PTPRZ1: variants seen among roughly 807,000 people sequenced by gnomAD.
PTPRZ1 encodes protein tyrosine phosphatase receptor type Z1, also known as receptor-type tyrosine-protein phosphatase zeta.
Under a neutral mutation model 214.1 loss-of-function variants are expected in PTPRZ1, and 82 were observed. That is an observed-to-expected ratio of 0.38 (90% CI 0.32 to 0.46). The LOEUF (loss-of-function observed/expected upper bound fraction) is 0.46. Among genes scored for constraint, PTPRZ1 ranks in the 20% least tolerant of loss-of-function variants. The pLI is 1.00. For synonymous variants in PTPRZ1, 945 were observed against 987.9 expected, an observed-to-expected ratio of 0.96 and a Z score of 0.81; for missense variants, 2,603 against 2,748.7, an observed-to-expected ratio of 0.95 and a Z score of 1.19.
rs557704434 is a variant in PTPRZ1 at position 121,906,609 on chromosome 7, C to G, written c.59-21547C>G. Among the ~76,000 whole-genome samples the G allele has an allele frequency of 4.6e-3, 706 of 152,082 alleles. 3 individuals carry two copies. Among genetic ancestry groups the G allele is most frequent in the Non-Finnish European group, 6.0e-3 (411 of 67,978 alleles). The stretch of plus-strand genomic sequence containing the variant: ...TGTTTGGTAGGTGTCTGGCTGGCAC[C>G]ACGTTTTCCAAAAATAAGATTTGTT... On this transcript the variant is annotated intron_variant, in intron 1 of 29. Transcript: ENST00000393386.
intron 2 of PTPRZ1, among the ~76,000 whole-genome samples, chr7:121,960,483 A>G (rs192538949): frequency 6.6e-6 from 1 of 152,326 alleles, no homozygotes; most frequent in Admixed American, 6.5e-5. Flanking sequence ...ATCTGATTAA[A>G]TAGCAATTTA....
At chr7:121,981,725 A>G (rs181025126) in intron 6 of PTPRZ1, among the ~76,000 whole-genome samples, 32 of 152,228 alleles carry the variant, frequency 2.1e-4, no homozygotes, top group African/African-American at 5.3e-4. Context: ...TAGAAATTCT[A>G]TAATCTGTAT....
At position 121,983,968 on chromosome 7, in the gene PTPRZ1, T is replaced by C; in HGVS notation, c.779T>C (p.Leu260Ser). 1 of 1,611,446 alleles carries C rather than the reference T, an allele frequency of 6.2e-7. No individual in the cohort carries two copies. Among genetic ancestry groups the C allele is most frequent in the Non-Finnish European group, 8.5e-7 (1 of 1,178,740 alleles). The change falls in exon 8 of 30, where the codon TTG (leucine) becomes TCG (serine). Residue 260 changes from leucine (L) to serine (S), a missense_variant and splice_region_variant. Physicochemically the swap from Leu to Ser is moderately radical, Grantham distance 145. Around this residue, in one of 6 missense-constraint regions of PTPRZ1, gnomAD observed 244 missense variants for 333.2 expected, o/e 0.73. Transcript: ENST00000393386. ...TAAATTATTTGATCTTTTTTTCAGT[T>C]GGCTGTTTTTTGTGAAGTTCTTACA... is the stretch of plus-strand genomic sequence containing the variant. ...KDTVSISESQLAVFCEVLTMQ... is the reference protein window; with the variant it reads ...KDTVSISESQSAVFCEVLTMQ...
intron 1 of PTPRZ1, among the ~76,000 whole-genome samples, chr7:121,914,956 G>A (rs1795378513): frequency 6.6e-6 from 1 of 152,074 alleles, no homozygotes; most frequent in Non-Finnish European, 1.5e-5. Flanking sequence ...TAAGTAATTT[G>A]GGGGACTGGA....
chr7:122,017,217 T>C (rs1190158434), intron 12 of PTPRZ1, among the ~76,000 whole-genome samples: 1 of 152,114 alleles, frequency 6.6e-6, no homozygotes, highest in African/African-American at 2.4e-5. Context: ...AAATAAGATG[T>C]TTTTCTAAAT....
At position 122,055,019 on chromosome 7, in the gene PTPRZ1, G is replaced by A. The variant is rs764168580; in HGVS notation, c.6460G>A (p.Glu2154Lys). ...GAGCTTTAAGGTCACTCTTATGGCT[G>A]AAGAACACAAATGTCTATCTAATGA... is the stretch of plus-strand genomic sequence containing the variant. The part of the protein sequence containing the change: ...CESFKVTLMA[E>K]EHKCLSNEEK... Residue 2154 changes from glutamate (E) to lysine (K), a missense_variant, in exon 27 of 30, where the codon GAA (glutamate) becomes AAA (lysine). Glu to Lys is a moderately conservative substitution (Grantham distance 56). Around this residue, in one of 6 missense-constraint regions of PTPRZ1, gnomAD observed 134 missense variants for 183.3 expected, o/e 0.73. Coordinates refer to ENST00000393386, the MANE Select transcript of PTPRZ1 (RefSeq NM_002851.3). The A allele has an allele frequency of 1.2e-6, 2 of 1,604,712 alleles. No individual in the cohort carries two copies.
At chr7:122,040,754 G>C in intron 20 of PTPRZ1, 62 bp from the exon 21 acceptor site, 2 of 786,230 alleles carry the variant, frequency 2.5e-6, no homozygotes, top group Non-Finnish European at 3.8e-6. Context: ...GTGTGTGTGT[G>C]TGTGTGTGTG....
intron 27 of PTPRZ1, among the ~76,000 whole-genome samples, chr7:122,057,520 G>A (rs1002837993): frequency 6.6e-6 from 1 of 151,268 alleles, no homozygotes; most frequent in African/African-American, 2.4e-5. Context: ...TTTTCTGTTA[G>A]GTTATTTATC....
At chr7:121,981,880 T>C (rs746123775) in intron 6 of PTPRZ1, among the ~76,000 whole-genome samples, 6 of 152,194 alleles carry the variant, frequency 3.9e-5, no homozygotes, top group Non-Finnish European at 7.4e-5. Context: ...TTAATGACTA[T>C]TGATGAATAG....
At chr7:122,017,597 T>A (rs1265461514) in intron 12 of PTPRZ1, among the ~76,000 whole-genome samples, 1 of 148,074 alleles carries the variant, frequency 6.8e-6, no homozygotes, top group Non-Finnish European at 1.5e-5. Context: ...AGTCTCACTC[T>A]GTTGCCCAGG....
At chr7:121,939,182 A>G (rs1419241909) in intron 2 of PTPRZ1, among the ~76,000 whole-genome samples, 1 of 152,266 alleles carries the variant, frequency 6.6e-6, no homozygotes, top group African/African-American at 2.4e-5. Context: ...CAACAAATAG[A>G]TTATACAAAA....
chr7:122,047,518 A>G (rs569062172), intron 23 of PTPRZ1, among the ~76,000 whole-genome samples: 1 of 152,266 alleles, frequency 6.6e-6, no homozygotes, highest in East Asian at 1.9e-4. Context: ...ACCTATGTGC[A>G]TGTTTACAGT....
At chr7:122,018,995 T>A in intron 12 of PTPRZ1, 129 bp from the exon 13 acceptor site, 1 of 838,206 alleles carries the variant, frequency 1.2e-6, no homozygotes, top group Non-Finnish European at 1.8e-6. Flanking sequence ...TTGTAGACAT[T>A]CTTTGCATCA....
At chr7:121,976,368 C>A in intron 5 of PTPRZ1, 100 bp downstream of exon 5, 1 of 757,906 alleles carries the variant, frequency 1.3e-6, no homozygotes, top group Non-Finnish European at 2.0e-6. Flanking sequence ...GAGAGGAGCT[C>A]ACAAGTAAAA....
rs369723940 is a variant in PTPRZ1 at position 121,917,222 on chromosome 7, A to G, written c.59-10934A>G. Among the ~76,000 whole-genome samples, 14 of 152,324 alleles carry G rather than the reference A, an allele frequency of 9.2e-5. No individual in the cohort carries two copies. In the East Asian group the frequency reaches 2.1e-3, roughly 23 times the overall value. On this transcript the variant is annotated intron_variant, in intron 1 of 29. Coordinates refer to ENST00000393386, the MANE Select transcript of PTPRZ1 (RefSeq NM_002851.3). ...AAGCAGTAGATGTAATCTTTTTTGT[A>G]CAGTTATGAGCAAAATCAGTGATGA...
chr7:122,035,005 T>A (rs1799492826), intron 17 of PTPRZ1, among the ~76,000 whole-genome samples: 1 of 152,188 alleles, frequency 6.6e-6, no homozygotes, highest in Non-Finnish European at 1.5e-5. Flanking sequence ...CTGGTTGCAT[T>A]TGTTCCCTCT....
chr7:121,924,070 T>C, intron 1 of PTPRZ1, among the ~76,000 whole-genome samples: 1 of 152,120 alleles, frequency 6.6e-6, no homozygotes, highest in East Asian at 1.9e-4. Flanking sequence ...TTTTCTTGTA[T>C]ATCATGTGAA....
At position 122,011,055 on chromosome 7, in the gene PTPRZ1, G is replaced by A; in HGVS notation, c.2009G>A (p.Arg670Lys). 1 of 1,614,140 alleles carries A rather than the reference G, an allele frequency of 6.2e-7. No homozygotes were observed. Among genetic ancestry groups the A allele is most frequent in the Non-Finnish European group, 8.5e-7 (1 of 1,180,006 alleles). Residue 670 changes from arginine to lysine, a missense_variant, in exon 12 of 30, where the codon AGA becomes AAA. Around this residue, in one of 6 missense-constraint regions of PTPRZ1, gnomAD observed 1,913 missense variants for 1,914.3 expected, o/e 1.00. Transcript: ENST00000393386. ...GCACAGCCCGATGTTGGATCAGGCA[G>A]AGAGAGCTTTCTCCAGACTAATTAC... ...ITAQPDVGSG[R>K]ESFLQTNYTE...
At chr7:121,950,658 C>T (rs1465162980) in intron 2 of PTPRZ1, among the ~76,000 whole-genome samples, 1 of 152,068 alleles carries the variant, frequency 6.6e-6, no homozygotes. Context: ...ATACTGAGAC[C>T]CCAGGGAAGT....
Sources: gnomAD v4.1 joint callset for allele counts (sites outside exome capture counted in the v4.1 genomes callset) on GRCh38, gnomAD v4.1.1 for gene constraint, gnomAD v4.1.1 regional missense constraint, MANE v1.5 for transcripts, NCBI Gene and HGNC (gene_info 2026-07-23, HGNC 2026-07-21) for gene names.